The following BRCA1 variants were observed in gnomAD, a reference collection of about 807,000 sequenced individuals.
BRCA1 encodes BRCA1 DNA repair associated, also known as breast cancer type 1 susceptibility protein.
In BRCA1, 140 loss-of-function variants were observed where a neutral mutation model predicts 173.7. The observed-to-expected ratio is 0.81, with a 90% CI of 0.70 to 0.93. BRCA1 has a LOEUF of 0.93. Among genes scored for constraint, BRCA1 ranks in the 40% least tolerant of loss-of-function variants. The probability of loss-of-function intolerance (pLI) is 0.00; values close to 1 mark genes in which losing one functional copy is unlikely to be tolerated. For missense variants in BRCA1, 1,983 were observed against 2,172.5 expected (o/e 0.91, Z 1.73); for synonymous variants, 662 against 756.0 (o/e 0.88, Z 2.04).
chr17:43,106,998 C>T (rs1234868727), intron 3 of BRCA1, among the ~76,000 whole-genome samples: 2 of 151,016 alleles, frequency 1.3e-5, no homozygotes, highest in Non-Finnish European at 2.9e-5. Context: ...ATTGACAGTA[C>T]AGAAATAAAC....
At chr17:43,052,140 G>T (rs556572895) in intron 19 of BRCA1, among the ~76,000 whole-genome samples, 2 of 152,246 alleles carry the variant, frequency 1.3e-5, no homozygotes, top group Admixed American at 1.3e-4. Flanking sequence ...ACAGGGCTTG[G>T]CAACACTGTT....
chr17:43,050,936 G>C, intron 20 of BRCA1, 127 bp downstream of exon 20: 3 of 947,696 alleles, frequency 3.2e-6, no homozygotes, highest in Non-Finnish European at 5.0e-6. Context: ...GAGTGGTAGA[G>C]AAATAGAATA....
intron 3 of BRCA1, among the ~76,000 whole-genome samples, chr17:43,106,762 C>T (rs1016590228): frequency 6.6e-6 from 1 of 152,146 alleles, no homozygotes; most frequent in African/African-American, 2.4e-5. Flanking sequence ...AACTTACATG[C>T]ATATGGCTTA....
intron 2 of BRCA1, among the ~76,000 whole-genome samples, chr17:43,123,721 G>GT (rs1382414407): frequency 3.3e-5 from 5 of 152,168 alleles, no homozygotes; most frequent in African/African-American, 1.2e-4. Flanking sequence ...CAAAATGCCA[G>GT]TTAATCTAAA....
intron 11 of BRCA1, among the ~76,000 whole-genome samples, chr17:43,089,112 A>G (rs543196221): frequency 1.3e-5 from 2 of 152,230 alleles, no homozygotes; most frequent in South Asian, 4.2e-4. Context: ...CAGGAGTTCG[A>G]GACGAGCCTG....
intron 1 of BRCA1, among the ~76,000 whole-genome samples, chr17:43,165,575 C>A (rs1288398399): frequency 1.3e-5 from 2 of 148,442 alleles, no homozygotes; most frequent in Non-Finnish European, 3.0e-5. Flanking sequence ...TAACATTTTT[C>A]TCTTTCGTGA....
intron 1 of BRCA1, among the ~76,000 whole-genome samples, chr17:43,135,300 C>CT (rs2056009114): frequency 6.6e-6 from 1 of 152,174 alleles, no homozygotes; most frequent in East Asian, 1.9e-4. Flanking sequence ...GCGCAGCGGC[C>CT]GGCCCAGCGT....
chr17:43,081,319 G>C (rs1358372566), intron 12 of BRCA1, among the ~76,000 whole-genome samples: 1 of 152,194 alleles, frequency 6.6e-6, no homozygotes, highest in Non-Finnish European at 1.5e-5. Flanking sequence ...CACTGCCATA[G>C]CAACAGAGTT....
At chr17:43,131,400 A>C in intron 1 of BRCA1, 1 of 347,096 alleles carries the variant, frequency 2.9e-6, no homozygotes, top group South Asian at 2.2e-5. Context: ...AATAATAATA[A>C]AAACAATGAG....
rs8176085 is a variant in BRCA1 at position 43,122,772 on chromosome 17, C to T, written c.80+1245G>A. ...ACAGAAAAATACAAGAATGGCTGGA[C>T]GCAGTGGCTTATGCCTGTAATCCTA... On this transcript the variant is annotated intron_variant, in intron 2 of 22. Transcript: ENST00000357654. Among the ~76,000 whole-genome samples the T allele has an allele frequency of 8.2e-3, 1,237 of 151,706 alleles. 16 individuals carry two copies. The highest frequency in any genetic ancestry group is 0.028 in the African/African-American group (1,163 of 41,314).
upstream of BRCA1, among the ~76,000 whole-genome samples, chr17:43,130,238 A>G (rs1026454423): frequency 6.6e-6 from 1 of 151,736 alleles, no homozygotes; most frequent in Admixed American, 6.6e-5. Flanking sequence ...CTGGTCTTCA[A>G]CTCCTAGGTT....
At position 43,082,314 on chromosome 17, in the gene BRCA1, G is replaced by T. The variant is rs866605784; in HGVS notation, c.4357+90C>A. ...ATGTGCTGAGCAAGGATCATAAAAT[G>T]TTGGAGCTAGGTCCTTACTCTTCAG... On this transcript the variant is annotated intron_variant, in intron 12 of 22. Transcript: ENST00000357654. 3 of 1,360,106 alleles carry T rather than the reference G, an allele frequency of 2.2e-6. No individual in the cohort carries two copies. The African/African-American group carries it at 4.3e-5, about 20-fold the overall frequency. The allele number at this position is 1,360,106 out of a possible 1,614,324, so 84.3% of individuals were successfully genotyped here.
rs187294938 is a variant in BRCA1 at position 43,112,322 on chromosome 17, G to A, written c.134+3404C>T. ...AGGCTGGTCTCGAACTCCTGACCTC[G>A]TGATCCGCCCACCTCAGCCTCCCAA... On this transcript the variant is annotated intron_variant, in intron 3 of 22. Transcript: ENST00000357654. Among the ~76,000 whole-genome samples, 579 of 152,200 alleles carry A rather than the reference G, an allele frequency of 3.8e-3. 8 individuals carry two copies. Among genetic ancestry groups the A allele is most frequent in the Middle Eastern group, 0.031 (9 of 292 alleles).
At chr17:43,084,092 G>A (rs190562999) in intron 11 of BRCA1, among the ~76,000 whole-genome samples, 64 of 151,196 alleles carry the variant, frequency 4.2e-4, no homozygotes, top group African/African-American at 1.4e-3. Flanking sequence ...GTGCAGTGGC[G>A]CAATCTTGGT....
upstream of BRCA1, among the ~76,000 whole-genome samples, chr17:43,126,608 G>C (rs1227577853): frequency 1.3e-5 from 2 of 152,230 alleles, no homozygotes; most frequent in Non-Finnish European, 2.9e-5. Flanking sequence ...AGCCCTTCGT[G>C]TTCTGAGGGA....
At chr17:43,073,759 T>C (rs532700871) in intron 14 of BRCA1, among the ~76,000 whole-genome samples, 33 of 151,766 alleles carry the variant, frequency 2.2e-4, no homozygotes, top group Non-Finnish European at 3.8e-4. Context: ...TATATATATA[T>C]ATATATATTT....
intron 1 of BRCA1, among the ~76,000 whole-genome samples, chr17:43,168,894 A>AAAATCAACAACGACC (rs2154581791): frequency 6.6e-6 from 1 of 152,228 alleles, no homozygotes; most frequent in South Asian, 2.1e-4. Flanking sequence ...GCATAAAACC[A>AAAATCAACAACGACC]AAATCAACAA....
intron 1 of BRCA1, chr17:43,145,229 G>T (rs1324134457): frequency 4.3e-6 from 3 of 699,146 alleles, no homozygotes; most frequent in East Asian, 6.2e-5. Context: ...CTCTGATGAA[G>T]CAGGAGATAA....
chr17:43,096,044 T>C, intron 8 of BRCA1, 122 bp from the exon 9 acceptor site: 1 of 830,830 alleles, frequency 1.2e-6, no homozygotes, highest in Non-Finnish European at 2.0e-6. Flanking sequence ...TCTTATTTAG[T>C]TAGTGAAAGC....
Sources: gnomAD v4.1 joint callset for allele counts (sites outside exome capture counted in the v4.1 genomes callset) on GRCh38, gnomAD v4.1.1 for gene constraint, MANE v1.5 for transcripts, NCBI Gene and HGNC (gene_info 2026-07-23, HGNC 2026-07-21) for gene names.